Variants in HERC4 observed in about 807,000 individuals in gnomAD.
The protein encoded by HERC4 is HECT and RLD domain containing E3 ubiquitin protein ligase 4, also known as probable E3 ubiquitin-protein ligase HERC4.
HERC4 carries 28 observed loss-of-function variants against 124.3 expected under a neutral mutation model. The observed-to-expected ratio is 0.23, with a 90% CI of 0.17 to 0.31. The LOEUF is 0.31. Among genes scored for constraint, HERC4 ranks in the 10% least tolerant of loss-of-function variants. The pLI, the probability that HERC4 is intolerant of heterozygous loss-of-function variation, is 1.00. For missense variants in HERC4, 713 were observed against 1,229.3 expected (o/e 0.58, Z 6.28); for synonymous variants, 407 against 421.5 (o/e 0.97, Z 0.42).
At chr10:68,022,451 A>G (rs2038681080) in intron 8 of HERC4, among the ~76,000 whole-genome samples, 1 of 152,050 alleles carries the variant, frequency 6.6e-6, no homozygotes, top group Non-Finnish European at 1.5e-5. Context: ...GTGAGCCAAG[A>G]TCATGCCATT....
chr10:68,006,369 G>GTTTTTTTTTTTTTT (rs2037555430), intron 9 of HERC4, among the ~76,000 whole-genome samples: 1 of 142,208 alleles, frequency 7.0e-6, no homozygotes. Context: ...TTTTGTTTTT[G>GTTTTTTTTTTTTTT]TTTTTGTTTT....
At chr10:68,069,464 T>C in intron 3 of HERC4, 1 of 985,412 alleles carries the variant, frequency 1.0e-6, no homozygotes, top group Non-Finnish European at 1.2e-6. Context: ...ACCTTTAGTA[T>C]AATAAAGGAA....
At chr10:67,927,894 G>C (rs1235359358) in intron 23 of HERC4, among the ~76,000 whole-genome samples, 3 of 152,094 alleles carry the variant, frequency 2.0e-5, no homozygotes, top group Non-Finnish European at 4.4e-5. Context: ...ATTGTGGTGG[G>C]GGGAAGGAGC....
At chr10:67,927,430 A>T (rs10997877) in intron 23 of HERC4, among the ~76,000 whole-genome samples, 16,725 of 34,314 alleles carry the variant, frequency 0.49, 3,607 homozygotes, top group African/African-American at 0.63. Flanking sequence ...ATATATATAT[A>T]TTTTTTTTTT....
At chr10:67,992,786 C>T in intron 9 of HERC4, 104 bp from the exon 10 acceptor site, 1 of 637,272 alleles carries the variant, frequency 1.6e-6, no homozygotes, top group Non-Finnish European at 2.8e-6. Flanking sequence ...TTAATAAGGC[C>T]TCCCATTCAT....
At position 68,059,858 on chromosome 10, in the gene HERC4, A is replaced by AATATTATATATTATAATATTATATATC. The variant is rs2040890813; in HGVS notation, c.226+13024_226+13025insGATATATAATATTATAATATATAATAT. 2.2e-5 allele frequency among the ~76,000 whole-genome samples: 2 copies of AATATTATATATTATAATATTATATATC among 91,452 alleles called. 1 individual carries two copies. The highest frequency in any genetic ancestry group is 3.7e-5 in the Non-Finnish European group (2 of 53,448). The allele number at this position is 91,452 out of a possible 152,430, so 60.0% of individuals were successfully genotyped here. A position where few individuals can be genotyped will look rare whatever the true frequency, so the allele number is the denominator to read the frequency against. ...TATATTATAATATATTATATATCATAATATTATATATTATAATAATATTAT... is the reference window on the plus strand; with the variant it reads ...TATATTATAATATATTATATATCATAATATTATATATTATAATATTATATATCATATTATATATTATAATAATATTAT... On this transcript the variant is annotated intron_variant, in intron 3 of 24. Coordinates refer to ENST00000373700, the MANE Select transcript of HERC4 (RefSeq NM_015601.4).
chr10:68,036,310 T>G (rs1049946741), intron 5 of HERC4, among the ~76,000 whole-genome samples: 1 of 132,808 alleles, frequency 7.5e-6, no homozygotes, highest in Non-Finnish European at 1.6e-5. Flanking sequence ...AAAGGGAGAC[T>G]CCATCTCAAA....
chr10:67,996,154 A>G (rs1185865610), intron 9 of HERC4: 1 of 450,398 alleles, frequency 2.2e-6, no homozygotes, highest in Non-Finnish European at 4.5e-6. Flanking sequence ...AAAAAAATTA[A>G]AAATTGGTTA....
At chr10:67,938,334 G>C (rs575241145) in intron 21 of HERC4, among the ~76,000 whole-genome samples, 1 of 150,860 alleles carries the variant, frequency 6.6e-6, no homozygotes, top group Admixed American at 6.6e-5. Flanking sequence ...CCAGCTACTC[G>C]GGAGGCTGAG....
intron 5 of HERC4, among the ~76,000 whole-genome samples, 181 bp downstream of exon 5, chr10:68,037,898 GTGTGTGTGTGTGTT>G (rs2039560016): frequency 2.0e-5 from 3 of 151,676 alleles, no homozygotes; most frequent in African/African-American, 7.3e-5. Flanking sequence ...ATTCCTAGCA[GTGTGTGTGTGTGTT>G]TGTGTGTGTA....
chr10:67,964,789 T>C lies in HERC4; in HGVS notation c.1926+1894A>G, dbSNP rs1044442950. Reference sequence around the variant, plus strand: ...TTTCTTTCTTTCTTTCTTTTTTTTTTTTGAAAGGAGTCTCACACTGTCGCC... The same window carrying C: ...TTTCTTTCTTTCTTTCTTTTTTTTTCTTGAAAGGAGTCTCACACTGTCGCC... On this transcript the variant is annotated intron_variant, in intron 16 of 24. Transcript: ENST00000373700. 3 of 152,398 alleles carry C rather than the reference T, an allele frequency of 2.0e-5. 1 individual carries two copies. Among genetic ancestry groups the C allele is most frequent in the African/African-American group, 7.2e-5 (3 of 41,400 alleles). The allele number at this position is 152,398 out of a possible 1,614,324, so 9.4% of individuals were successfully genotyped here.
At chr10:68,007,154 T>C (rs1206380171) in intron 9 of HERC4, among the ~76,000 whole-genome samples, 1 of 152,126 alleles carries the variant, frequency 6.6e-6, no homozygotes, top group Non-Finnish European at 1.5e-5. Flanking sequence ...TGGGAGTATT[T>C]CACTCTTTTT....
intron 6 of HERC4, among the ~76,000 whole-genome samples, chr10:68,033,096 A>C (rs2039292679): frequency 6.6e-6 from 1 of 152,218 alleles, no homozygotes; most frequent in African/African-American, 2.4e-5. Context: ...CCAATATGCC[A>C]GTATGCAAAG....
intron 15 of HERC4, among the ~76,000 whole-genome samples, chr10:67,983,691 G>T (rs1443664711): frequency 6.6e-6 from 1 of 150,812 alleles, no homozygotes; most frequent in Non-Finnish European, 1.5e-5. Context: ...GGAGGCTGAG[G>T]CAGGAGAACA....
At chr10:67,964,135 C>T (rs2034707803) in intron 16 of HERC4, among the ~76,000 whole-genome samples, 2 of 140,486 alleles carry the variant, frequency 1.4e-5, no homozygotes, top group South Asian at 2.2e-4. Context: ...AGAACTTCGT[C>T]AAAGTATTGC....
chr10:67,989,191 C>G (rs550384940), intron 14 of HERC4, among the ~76,000 whole-genome samples: 41 of 152,074 alleles, frequency 2.7e-4, no homozygotes, highest in African/African-American at 9.4e-4. Flanking sequence ...AACAAAACAT[C>G]CTTTAAATTG....
In HERC4 at chr10:67,932,719, C is replaced by T. The variant is rs143083420; in HGVS notation, c.2716G>A (p.Asp906Asn). ...IFNKSVASLFDAFHAGFHKVC... is the reference protein window; with the variant it reads ...IFNKSVASLFNAFHAGFHKVC... ...TTATGAAAGCCCGCATGAAAAGCAT[C>T]AAATAAGGAAGCCACTGATTTATTG... Residue 906 changes from aspartate to asparagine, a missense_variant, in exon 23 of 25, where the codon GAT becomes AAT. Physicochemically the swap from Asp to Asn is conservative, Grantham distance 23 (BLOSUM62 1). Transcript: ENST00000373700. The T allele has an allele frequency of 2.0e-3, 3,252 of 1,600,054 alleles. 19 individuals carry two copies. Among genetic ancestry groups the T allele is most frequent in the Middle Eastern group, 9.3e-3 (56 of 6,040 alleles).
chr10:68,053,488 G>A (rs1360284947), intron 3 of HERC4, among the ~76,000 whole-genome samples: 1 of 151,856 alleles, frequency 6.6e-6, no homozygotes, highest in Admixed American at 6.6e-5. Flanking sequence ...ATTATTTGTA[G>A]AGATGTGGTC....
chr10:68,035,151 C>T (rs1474384919), intron 5 of HERC4, among the ~76,000 whole-genome samples: 1 of 150,664 alleles, frequency 6.6e-6, no homozygotes, highest in Admixed American at 6.6e-5. Context: ...CAAGAGACAA[C>T]CACTCTTTTT....
Sources: gnomAD v4.1 joint callset for allele counts (sites outside exome capture counted in the v4.1 genomes callset) on GRCh38, gnomAD v4.1.1 for gene constraint, MANE v1.5 for transcripts, NCBI Gene and HGNC (gene_info 2026-07-23, HGNC 2026-07-21) for gene names.